The following ZNF529 variants were observed in gnomAD, a reference collection of about 807,000 sequenced individuals.
ZNF529 encodes the protein zinc finger protein 529.
A neutral mutation model predicts 10.1 loss-of-function variants in ZNF529; 11 were observed. The ratio of observed to expected loss-of-function variants is 1.09; its 90% confidence interval spans 0.69 to 1.81. ZNF529 has a LOEUF of 1.81. Among genes scored for constraint, ZNF529 ranks in the 40% most tolerant of loss-of-function variants. The pLI, the probability that ZNF529 is intolerant of heterozygous loss-of-function variation, is 0.00. For synonymous variants in ZNF529, 204 were observed against 215.7 expected (o/e 0.95, Z 0.47); for missense variants, 624 against 666.8 (o/e 0.94, Z 0.71).
intron 1 of ZNF529, among the ~76,000 whole-genome samples, chr19:36,591,061 C>T (rs57839679): frequency 0.01 from 1,524 of 151,622 alleles, 33 homozygotes; most frequent in African/African-American, 0.035. Flanking sequence ...AGAATTATTG[C>T]GAGGCCAAGG....
chr19:36,547,688 G>C lies in ZNF529; in HGVS notation c.870C>G (p.Ser290=). The C allele has an allele frequency of 6.2e-7, 1 of 1,613,782 alleles. No homozygotes were observed. The highest frequency in any genetic ancestry group is 8.5e-7 in the Non-Finnish European group (1 of 1,179,850). ...KHFECSFCGK[S]FRVHAQLTRH... is the part of the protein sequence containing the mutation. ...GAGTAAGTTGTGCATGCACTCTAAA[G>C]GATTTCCCACAGAATGAGCATTCAA... The change falls in exon 5 of 5, where the codon TCC becomes TCG. Residue 290 remains serine (S), a synonymous_variant. Transcript: ENST00000591340.
At chr19:36,576,958 CT>C (rs759716467), upstream of ZNF529, among the ~76,000 whole-genome samples, 488 of 135,952 alleles carry the variant, frequency 3.6e-3, 1 homozygote, top group Non-Finnish European at 4.6e-3. Flanking sequence ...TTTCTTTTTT[CT>C]TTTTTTTTTT....
At chr19:36,585,942 C>T (rs532573002) in intron 2 of ZNF529, among the ~76,000 whole-genome samples, 3 of 152,340 alleles carry the variant, frequency 2.0e-5, no homozygotes, top group African/African-American at 7.2e-5. Flanking sequence ...TAAGTATGTA[C>T]TGTTCCTTGA....
At chr19:36,549,117 T>C (rs2035165715) in intron 4 of ZNF529, among the ~76,000 whole-genome samples, 1 of 152,212 alleles carries the variant, frequency 6.6e-6, no homozygotes, top group South Asian at 2.1e-4. Context: ...ACATCAATGG[T>C]CTCTTTGTAT....
chr19:36,601,124 C>G (rs1174487291), intron 1 of ZNF529, among the ~76,000 whole-genome samples: 1 of 151,538 alleles, frequency 6.6e-6, no homozygotes, highest in Non-Finnish European at 1.5e-5. Flanking sequence ...ATATCAAACA[C>G]AGGCTGTGCT....
At chr19:36,593,293 A>G (rs1246430876) in intron 1 of ZNF529, among the ~76,000 whole-genome samples, 1 of 152,088 alleles carries the variant, frequency 6.6e-6, no homozygotes, top group Non-Finnish European at 1.5e-5. Flanking sequence ...CTCCCACCTC[A>G]GCCTCCAGAG....
chr19:36,544,775 C>T lies in ZNF529; in HGVS notation c.*2091G>A, dbSNP rs1003453745. The T allele has an allele frequency of 6.6e-6, 1 of 152,104 alleles. No individual in the cohort carries two copies. The highest frequency in any genetic ancestry group is 2.4e-5 in the African/African-American group (1 of 41,418). 9.4% of individuals were successfully genotyped at this position (152,104 alleles called of 1,614,324 possible). On this transcript the variant is annotated 3_prime_UTR_variant, in exon 5 of 5. Transcript: ENST00000591340. ...AGCAATACTTACATAAAACATAGCT[C>T]AATATATCAGATGAGAAAATGGCTT...
At chr19:36,579,770 C>T (rs1011388959) in intron 2 of ZNF529, among the ~76,000 whole-genome samples, 1 of 152,148 alleles carries the variant, frequency 6.6e-6, no homozygotes, top group Non-Finnish European at 1.5e-5. Flanking sequence ...TGAGAGAATG[C>T]TAAGGACTAG....
At chr19:36,557,840 T>G (rs182909373) in intron 2 of ZNF529, among the ~76,000 whole-genome samples, 49 of 152,288 alleles carry the variant, frequency 3.2e-4, no homozygotes, top group African/African-American at 1.2e-3. Flanking sequence ...CAACAGAAAC[T>G]GCTTGTGAGA....
chr19:36,597,013 A>G (rs2036852684), intron 1 of ZNF529, among the ~76,000 whole-genome samples: 2 of 152,128 alleles, frequency 1.3e-5, no homozygotes, highest in Admixed American at 1.3e-4. Context: ...AGCTGGGATT[A>G]TAGGCATGCA....
At chr19:36,570,057 C>A (rs1246049280) in intron 2 of ZNF529, among the ~76,000 whole-genome samples, 1 of 151,992 alleles carries the variant, frequency 6.6e-6, no homozygotes, top group Non-Finnish European at 1.5e-5. Flanking sequence ...CATGACTGAT[C>A]GTCAATAAAA....
chr19:36,576,445 G>A (rs964894363), upstream of ZNF529, among the ~76,000 whole-genome samples: 14 of 152,072 alleles, frequency 9.2e-5, no homozygotes, highest in African/African-American at 2.2e-4. Flanking sequence ...TTGGCCGGGC[G>A]CGGTGGCTCA....
rs1015018034 is a variant in ZNF529, at chr19:36,547,476, G to C, written c.1082C>G (p.Thr361Ser). 5.6e-6 allele frequency: 9 copies of C among 1,613,894 alleles called. No homozygotes were observed. In the African/African-American group the frequency reaches 9.3e-5, roughly 17 times the overall value. The part of the protein sequence containing the change: ...SQLIEHQRIH[T>S]GEKPYACKEC... Reference sequence around the variant, plus strand: ...CTTACATGCATAAGGTTTCTCACCAGTGTGAATTCTCTGATGTTCAATGAG... The same window carrying C: ...CTTACATGCATAAGGTTTCTCACCACTGTGAATTCTCTGATGTTCAATGAG... The change falls in exon 5 of 5, where the codon ACT becomes AGT. Residue 361 changes from threonine (T) to serine (S), a missense_variant. Coordinates refer to ENST00000591340, the MANE Select transcript of ZNF529 (RefSeq NM_020951.5).
Position 36,547,982 on chromosome 19 carries a change from T to C in ZNF529, c.576A>G (p.Ile192Met). ...ATTCATAGTTTTTTCCACCAGTATG[T>C]ATTTTCTGATATTCATCAAACTCTA... is the stretch of plus-strand genomic sequence containing the variant. The part of the protein sequence containing the change: ...CDLEFDEYQK[I>M]HTGGKNYECN... The change falls in exon 5 of 5, where the codon ATA (isoleucine) becomes ATG (methionine). Residue 192 changes from isoleucine (I) to methionine (M), a missense_variant. Coordinates refer to ENST00000591340, the MANE Select transcript of ZNF529 (RefSeq NM_020951.5). The C allele has an allele frequency of 6.2e-7, 1 of 1,613,366 alleles. No homozygotes were observed. Among genetic ancestry groups the C allele is most frequent in the Non-Finnish European group, 8.5e-7 (1 of 1,179,756 alleles).
intron 4 of ZNF529, among the ~76,000 whole-genome samples, chr19:36,550,478 G>A (rs559523884): frequency 6.6e-5 from 10 of 152,078 alleles, no homozygotes; most frequent in Non-Finnish European, 8.8e-5. Flanking sequence ...CCTGGGAGAC[G>A]GAGGTTGCAG....
intron 4 of ZNF529, among the ~76,000 whole-genome samples, chr19:36,550,540 C>T (rs1444593784): frequency 6.6e-6 from 1 of 150,970 alleles, no homozygotes; most frequent in African/African-American, 2.4e-5. Flanking sequence ...AGTGAGACTA[C>T]GTCTTAAAAA....
intron 2 of ZNF529, among the ~76,000 whole-genome samples, chr19:36,558,782 T>TTG (rs1372081118): frequency 6.6e-6 from 1 of 151,610 alleles, no homozygotes; most frequent in Non-Finnish European, 1.5e-5. Context: ...AACAAAGAAA[T>TTG]GGGACCAAAT....
chr19:36,562,821 ACT>A (rs1212696188), intron 2 of ZNF529, among the ~76,000 whole-genome samples: 2 of 140,882 alleles, frequency 1.4e-5, no homozygotes, highest in East Asian at 4.1e-4. Context: ...ACAGAGCAAC[ACT>A]CTGTCTCCAG....
Position 36,548,237 on chromosome 19 carries a change from T to G in ZNF529, c.321A>C (p.Glu107Asp), listed in dbSNP as rs534354983. 1 of 1,613,822 alleles carries G rather than the reference T, an allele frequency of 6.2e-7. No homozygotes were observed. The highest frequency in any genetic ancestry group is 8.5e-7 in the Non-Finnish European group (1 of 1,179,842). The change falls in exon 5 of 5, where the codon GAA becomes GAC. Residue 107 changes from glutamate (E) to aspartate (D), a missense_variant. Coordinates refer to ENST00000591340, the MANE Select transcript of ZNF529 (RefSeq NM_020951.5). ...CTTCAAGGCCACATAACTTGCTACT[T>G]TCCATTACCTCCCACTGAGAACCAG... ...QNTGSQWEVM[E>D]SSKLCGLEGS... is the part of the protein sequence containing the mutation.
Sources: gnomAD v4.1 joint callset for allele counts (sites outside exome capture counted in the v4.1 genomes callset) on GRCh38, gnomAD v4.1.1 for gene constraint, MANE v1.5 for transcripts, NCBI Gene and HGNC (gene_info 2026-07-23, HGNC 2026-07-21) for gene names.